SLC41A1: variants seen among roughly 807,000 people sequenced by gnomAD.
SLC41A1 encodes solute carrier family 41 (magnesium transporter), member 1.
SLC41A1 carries 20 observed loss-of-function variants against 47.3 expected under a neutral mutation model. The observed-to-expected ratio is 0.42, with a 90% CI of 0.30 to 0.61. SLC41A1 has a LOEUF of 0.61. Among genes scored for constraint, SLC41A1 ranks in the 20% least tolerant of loss-of-function variants. SLC41A1 has a pLI of 0.17. For missense variants in SLC41A1, 504 were observed against 674.1 expected (o/e 0.75, Z 2.79); for synonymous variants, 282 against 272.7 (o/e 1.03, Z -0.34).
chr1:205,795,492 T>A lies in SLC41A1; in HGVS notation c.1073-14A>T. ...TGCCCCCAACACCTGCAGAGACACA[T>A]ACGGGCTTAGACACAGACAGAGGTC... is the stretch of plus-strand genomic sequence containing the variant. On this transcript the variant is annotated splice_polypyrimidine_tract_variant and intron_variant, in intron 8 of 10. Coordinates refer to ENST00000367137, the MANE Select transcript of SLC41A1 (RefSeq NM_173854.6). The A allele has an allele frequency of 6.2e-7, 1 of 1,614,122 alleles. No individual in the cohort carries two copies.
In SLC41A1 at chr1:205,790,949, G is replaced by A. The variant is rs551963146; in HGVS notation, c.*584C>T. 2 of 162,340 alleles carry A rather than the reference G, an allele frequency of 1.2e-5. No homozygotes were observed. The highest frequency in any genetic ancestry group is 1.7e-4 in the South Asian group (1 of 6,038). The allele number at this position is 162,340 out of a possible 1,614,324, so 10.1% of individuals were successfully genotyped here. ...AGTCAGTCCACCTTACTCTTTCTGC[G>A]AGTGGGAACGCTTAGGTCCAGAGGG... On this transcript the variant is annotated 3_prime_UTR_variant, in exon 11 of 11. Transcript: ENST00000367137.
chr1:205,791,702 T>A lies in SLC41A1; in HGVS notation c.1373A>T (p.Tyr458Phe). 6.2e-7 allele frequency: 1 copy of A among 1,613,782 alleles called. No individual in the cohort carries two copies. Among genetic ancestry groups the A allele is most frequent in the Non-Finnish European group, 8.5e-7 (1 of 1,180,002 alleles). ...CCAGTGCACCATCCAGTCTGCGATG[T>A]ACAGGAGAATCAGCACCTGGGGAGA... ...AALLQVLILL[Y>F]IADWMVHWMW... The change falls in exon 11 of 11, where the codon TAC (tyrosine) becomes TTC (phenylalanine). Residue 458 changes from tyrosine to phenylalanine, a missense_variant. Coordinates refer to ENST00000367137, the MANE Select transcript of SLC41A1 (RefSeq NM_173854.6). The surrounding 1 kb of genome is among the most constrained non-coding windows in gnomAD (Gnocchi z 4.0).
At position 205,791,752 on chromosome 1, in the gene SLC41A1, CCT is replaced by C. The variant is rs1212256719; in HGVS notation, c.1357-36_1357-35del. Reference sequence around the variant, plus strand: ...ACAAAAGGGCCCAGCCTATAGCCATCCTCTCTCTCCAGGGGGAGCCAGAGGCC... The same window carrying C: ...ACAAAAGGGCCCAGCCTATAGCCATCCTCTCTCCAGGGGGAGCCAGAGGCC... On this transcript the variant is annotated intron_variant, in intron 10 of 10. Transcript: ENST00000367137. This position sits in a 1 kb window ranked among gnomAD's most constrained non-coding sequence, Gnocchi z 4.0. 6 of 1,609,492 alleles carry C rather than the reference CCT, an allele frequency of 3.7e-6. No homozygotes were observed. Among genetic ancestry groups the C allele is most frequent in the African/African-American group, 1.3e-5 (1 of 74,772 alleles).
At chr1:205,807,289 T>C (rs1337432036) in intron 2 of SLC41A1, among the ~76,000 whole-genome samples, 1 of 152,172 alleles carries the variant, frequency 6.6e-6, no homozygotes, top group Non-Finnish European at 1.5e-5. Context: ...CCAGCCCAGC[T>C]GTAGCAGGAA....
chr1:205,797,534 C>T (rs1274467990), intron 7 of SLC41A1, among the ~76,000 whole-genome samples: 1 of 152,180 alleles, frequency 6.6e-6, no homozygotes, highest in Non-Finnish European at 1.5e-5. Context: ...TATTCTGGGA[C>T]TTTGTGGAAC....
chr1:205,810,611 C>A lies in SLC41A1; in HGVS notation c.-170G>T. 1 of 945,750 alleles carries A rather than the reference C, an allele frequency of 1.1e-6. No homozygotes were observed. Among genetic ancestry groups the A allele is most frequent in the Non-Finnish European group, 1.6e-6 (1 of 632,644 alleles). 58.6% of individuals were successfully genotyped at this position (945,750 alleles called of 1,614,324 possible). A position where few individuals can be genotyped will look rare whatever the true frequency, so the allele number is the denominator to read the frequency against. On this transcript the variant is annotated 5_prime_UTR_variant, in exon 2 of 11. Transcript: ENST00000367137. This position sits in a 1 kb window ranked among gnomAD's most constrained non-coding sequence, Gnocchi z 5.5. The stretch of plus-strand genomic sequence containing the variant: ...CCAGGCACTGCAAAAACTGATCCAC[C>A]AACAGGCAGCCCCATCAAGCACTGA...
rs1656112833 is a variant in SLC41A1, at chr1:205,810,186, C to A, written c.256G>T (p.Ala86Ser). The A allele has an allele frequency of 6.2e-7, 1 of 1,614,132 alleles. No homozygotes were observed. The highest frequency in any genetic ancestry group is 8.5e-7 in the Non-Finnish European group (1 of 1,180,052). Residue 86 changes from alanine (A) to serine (S), a missense_variant, in exon 2 of 11, where the codon GCG becomes TCG. Ala to Ser is a moderately conservative substitution (Grantham distance 99). Coordinates refer to ENST00000367137, the MANE Select transcript of SLC41A1 (RefSeq NM_173854.6). This position sits in a 1 kb window ranked among gnomAD's most constrained non-coding sequence, Gnocchi z 5.5. Reference protein sequence around the residue: ...SDDVSTDRGPAPPSPLKETSF... With the variant: ...SDDVSTDRGPSPPSPLKETSF... ...GTCTCCTTGAGCGGGGAAGGTGGCG[C>A]AGGGCCACGGTCTGTGCTGACGTCG...
chr1:205,805,324 T>C (rs1006579458), intron 2 of SLC41A1, among the ~76,000 whole-genome samples: 4 of 152,142 alleles, frequency 2.6e-5, no homozygotes, highest in Non-Finnish European at 4.4e-5. Flanking sequence ...TGGGCATGCA[T>C]AGGACTCTGG....
chr1:205,808,774 C>T (rs1267274487), intron 2 of SLC41A1, among the ~76,000 whole-genome samples: 3 of 152,220 alleles, frequency 2.0e-5, no homozygotes, highest in Non-Finnish European at 4.4e-5. Flanking sequence ...CAGTGCAAGG[C>T]ACTTTGGCAT....
At chr1:205,801,201 A>G in intron 2 of SLC41A1, 141 bp from the exon 3 acceptor site, 2 of 681,850 alleles carry the variant, frequency 2.9e-6, no homozygotes, top group Non-Finnish European at 5.3e-6. Flanking sequence ...TTCCTCCAAG[A>G]ACCTTGGAAC....
chr1:205,793,873 TGAA>T (rs1655681040), intron 10 of SLC41A1, among the ~76,000 whole-genome samples: 1 of 152,188 alleles, frequency 6.6e-6, no homozygotes, highest in African/African-American at 2.4e-5. Flanking sequence ...TGATGGTCTG[TGAA>T]GGAGAGAAAC....
Position 205,810,414 on chromosome 1 carries a change from C to T in SLC41A1, c.28G>A (p.Val10Ile), listed in dbSNP as rs142051990. 2.6e-4 allele frequency: 416 copies of T among 1,614,080 alleles called. No homozygotes were observed. The highest frequency in any genetic ancestry group is 3.3e-4 in the Non-Finnish European group (386 of 1,180,050). Residue 10 changes from valine to isoleucine, a missense_variant, in exon 2 of 11, where the codon GTC (valine) becomes ATC (isoleucine). Transcript: ENST00000367137. The surrounding 1 kb of genome is among the most constrained non-coding windows in gnomAD (Gnocchi z 5.5). ...GGGCCAGTCCCGTTCAGTTGGTGGA[C>T]GTCCTTCGGCTCTGGCTTAGAGGAC... MSSKPEPKD[V>I]HQLNGTGPSA...
rs367796264 is a variant in SLC41A1 at position 205,794,855 on chromosome 1, C to A, written c.1356+15G>T. 82 of 1,613,416 alleles carry A rather than the reference C, an allele frequency of 5.1e-5. No individual in the cohort carries two copies. Among genetic ancestry groups the A allele is most frequent in the Middle Eastern group, 1.7e-4 (1 of 5,822 alleles). ...CCTGGCTCCTTCCCATGCCCCTGCT[C>A]CTGCCACTTTGTACCTGGAGCAGTG... On this transcript the variant is annotated intron_variant, in intron 10 of 10. Transcript: ENST00000367137.
chr1:205,795,504 C>T, intron 8 of SLC41A1, 26 bp from the exon 9 acceptor site: 2 of 1,614,016 alleles, frequency 1.2e-6, no homozygotes, highest in Non-Finnish European at 1.7e-6. Flanking sequence ...CGGGCTTAGA[C>T]ACAGACAGAG....
intron 4 of SLC41A1, among the ~76,000 whole-genome samples, chr1:205,799,416 G>A (rs116821865): frequency 0.01 from 1,591 of 152,326 alleles, 15 homozygotes; most frequent in Middle Eastern, 0.02. Context: ...CCTCAAGGGG[G>A]AAGGCTCCCA....
At chr1:205,807,307 G>T (rs1225533892) in intron 2 of SLC41A1, among the ~76,000 whole-genome samples, 1 of 152,142 alleles carries the variant, frequency 6.6e-6, no homozygotes, top group Non-Finnish European at 1.5e-5. Context: ...GAAGGCTGGG[G>T]GAGGAGGACA....
At chr1:205,797,116 G>C in intron 7 of SLC41A1, 113 bp from the exon 8 acceptor site, 1 of 912,742 alleles carries the variant, frequency 1.1e-6, no homozygotes, top group Admixed American at 2.0e-5. Context: ...AAGCACCATG[G>C]CTCTCAGGAG....
intron 6 of SLC41A1, 82 bp from the exon 7 acceptor site, chr1:205,798,133 C>T: frequency 6.3e-7 from 1 of 1,583,320 alleles, no homozygotes; most frequent in Non-Finnish European, 8.6e-7. Flanking sequence ...GAAAATGTCC[C>T]AACAGATCAA....
At chr1:205,811,513 C>A (rs571466539) in intron 1 of SLC41A1, among the ~76,000 whole-genome samples, 58 of 152,324 alleles carry the variant, frequency 3.8e-4, no homozygotes, top group African/African-American at 1.3e-3. Context: ...AAACTCCCTG[C>A]CACACAGCCA....
Sources: gnomAD v4.1 joint callset for allele counts (sites outside exome capture counted in the v4.1 genomes callset) on GRCh38, gnomAD v4.1.1 for gene constraint, Gnocchi (gnomAD v3.1) non-coding constraint, MANE v1.5 for transcripts, NCBI Gene and HGNC (gene_info 2026-07-23, HGNC 2026-07-21) for gene names.